NUCB2: variants seen among roughly 807,000 people sequenced by gnomAD.
The protein encoded by NUCB2 is nucleobindin 2, also known as nucleobindin-2.
Under a neutral mutation model 57.9 loss-of-function variants are expected in NUCB2, and 48 were observed. The observed-to-expected ratio is 0.83, with a 90% CI of 0.66 to 1.05. The LOEUF is 1.05. Ranked by LOEUF, NUCB2 falls within the 50% of genes least tolerant of loss-of-function variation. The pLI is 0.00. For synonymous variants in NUCB2, 139 were observed against 152.1 expected (o/e 0.91, Z 0.64); for missense variants, 442 against 476.2 (o/e 0.93, Z 0.67).
chr11:17,345,622 A>G (rs907168888), intron 2 of NUCB2, among the ~76,000 whole-genome samples: 13 of 152,110 alleles, frequency 8.5e-5, no homozygotes, highest in Admixed American at 2.0e-4. Context: ...CAGGAGAATC[A>G]CTTGAGGCCG....
chr11:17,319,918 T>G (rs1481737883), intron 11 of NUCB2, among the ~76,000 whole-genome samples: 1 of 152,192 alleles, frequency 6.6e-6, no homozygotes, highest in Non-Finnish European at 1.5e-5. Context: ...GGCCCCAGTG[T>G]GTGTTGTTCC....
chr11:17,345,897 CTT>C (rs1388312033), intron 2 of NUCB2, among the ~76,000 whole-genome samples: 4 of 151,924 alleles, frequency 2.6e-5, no homozygotes, highest in Admixed American at 1.3e-4. Context: ...AAAACAGAGA[CTT>C]TATATAATTT....
chr11:17,331,790 TACTC>T lies in NUCB2; in HGVS notation c.*372_*375del, dbSNP rs1459172057. The T allele has an allele frequency of 5.5e-6, 1 of 180,310 alleles. No homozygotes were observed. Among genetic ancestry groups the T allele is most frequent in the Admixed American group, 6.2e-5 (1 of 16,122 alleles). The allele number at this position is 180,310 out of a possible 1,614,324, so 11.2% of individuals were successfully genotyped here. On this transcript the variant is annotated 3_prime_UTR_variant, in exon 14 of 14. Transcript: ENST00000529010. ...GCTTTTAAATTAGATTGCTCTCACT[TACTC>T]GTAAACATAGGTATTCTTTTATGGG...
At chr11:17,314,689 C>A (rs1280229893) in intron 10 of NUCB2, among the ~76,000 whole-genome samples, 1 of 152,194 alleles carries the variant, frequency 6.6e-6, no homozygotes, top group African/African-American at 2.4e-5. Context: ...AAGCCAAAAA[C>A]TCTGATATAG....
Position 17,331,742 on chromosome 11 carries a change from T to G in NUCB2, c.*323T>G, listed in dbSNP as rs1591597490. On this transcript the variant is annotated 3_prime_UTR_variant, in exon 14 of 14. Transcript: ENST00000529010. ...TTTAGTGAAACTATTAGGAACTATT[T>G]AAGTGAGAAAACTCTGCCTCTTGCT... is the stretch of plus-strand genomic sequence containing the variant. 1.2e-5 allele frequency: 3 copies of G among 240,524 alleles called. No homozygotes were observed. In the Admixed American group the frequency reaches 1.7e-4, roughly 13 times the overall value. 14.9% of individuals were successfully genotyped at this position (240,524 alleles called of 1,614,324 possible).
At chr11:17,348,319 G>GTT (rs55741571) in intron 2 of NUCB2, among the ~76,000 whole-genome samples, 10 of 84,462 alleles carry the variant, frequency 1.2e-4, no homozygotes, top group East Asian at 3.5e-4. Context: ...TTGTTTTTGT[G>GTT]TTTTTTTTTT....
intron 1 of NUCB2, among the ~76,000 whole-genome samples, chr11:17,279,088 G>A (rs1035393650): frequency 6.6e-6 from 1 of 152,090 alleles, no homozygotes; most frequent in South Asian, 2.1e-4. Context: ...AACTACTCAG[G>A]AGGCTGGAGC....
chr11:17,305,031 G>A (rs1947390818), intron 5 of NUCB2, among the ~76,000 whole-genome samples: 2 of 152,170 alleles, frequency 1.3e-5, no homozygotes, highest in Non-Finnish European at 2.9e-5. Flanking sequence ...ATATGAAAAA[G>A]GACACGAGTA....
At chr11:17,293,169 G>A (rs1037237183) in intron 2 of NUCB2, among the ~76,000 whole-genome samples, 5 of 150,940 alleles carry the variant, frequency 3.3e-5, no homozygotes, top group South Asian at 2.1e-4. Context: ...CAGGAGAATC[G>A]CTTGAACCCG....
intron 5 of NUCB2, among the ~76,000 whole-genome samples, chr11:17,304,500 A>G (rs1473279153): frequency 6.6e-6 from 1 of 152,134 alleles, no homozygotes; most frequent in Non-Finnish European, 1.5e-5. Context: ...GATCTAGCCA[A>G]AACATTCATA....
At chr11:17,284,706 A>AGTTTT (rs10658598) in intron 2 of NUCB2, among the ~76,000 whole-genome samples, 70,535 of 151,560 alleles carry the variant, frequency 0.47, 17,033 homozygotes, top group East Asian at 0.8. Context: ...AAAACAACCC[A>AGTTTT]GTTTTTAAGA....
intron 2 of NUCB2, among the ~76,000 whole-genome samples, chr11:17,290,238 A>G (rs1934684531): frequency 6.6e-6 from 1 of 152,242 alleles, no homozygotes; most frequent in South Asian, 2.1e-4. Flanking sequence ...ATAACTTTTC[A>G]TTTTAATGCC....
intron 11 of NUCB2, among the ~76,000 whole-genome samples, chr11:17,317,332 A>T (rs1949387586): frequency 6.6e-6 from 1 of 152,138 alleles, no homozygotes; most frequent in South Asian, 2.1e-4. Flanking sequence ...ATGTGTACAT[A>T]TATATAAAGT....
At chr11:17,314,485 C>T (rs1565439093) in intron 10 of NUCB2, among the ~76,000 whole-genome samples, 1 of 152,062 alleles carries the variant, frequency 6.6e-6, no homozygotes, top group Non-Finnish European at 1.5e-5. Flanking sequence ...TGATGTTTAC[C>T]TCTCATCAAG....
intron 4 of NUCB2, among the ~76,000 whole-genome samples, chr11:17,297,052 GA>G (rs1268500078): frequency 1.3e-5 from 2 of 152,118 alleles, no homozygotes; most frequent in African/African-American, 4.8e-5. Flanking sequence ...GGGTTGTAAA[GA>G]TCTGACATGA....
chr11:17,331,087 T>C, intron 13 of NUCB2, 104 bp downstream of exon 13: 1 of 879,512 alleles, frequency 1.1e-6, no homozygotes, highest in Middle Eastern at 3.5e-4. Flanking sequence ...GATGTTATGT[T>C]ATTTTTTGTG....
At chr11:17,315,789 A>G (rs1159957539) in intron 11 of NUCB2, among the ~76,000 whole-genome samples, 1 of 152,182 alleles carries the variant, frequency 6.6e-6, no homozygotes, top group Non-Finnish European at 1.5e-5. Context: ...ATTCACCTAT[A>G]ATTTTACTAA....
intron 2 of NUCB2, among the ~76,000 whole-genome samples, chr11:17,294,298 C>G (rs539050238): frequency 2.6e-5 from 4 of 152,056 alleles, no homozygotes; most frequent in African/African-American, 4.8e-5. Context: ...GGCCCCCACC[C>G]CAGAGGTCTT....
At chr11:17,285,934 T>TACAC (rs140090235) in intron 2 of NUCB2, among the ~76,000 whole-genome samples, 3,864 of 143,506 alleles carry the variant, frequency 0.027, 118 homozygotes, top group East Asian at 0.17. Context: ...CACGTGTGCG[T>TACAC]ACACACACAC....
Sources: allele counts gnomAD v4.1 joint callset (sites outside exome capture counted in the v4.1 genomes callset), GRCh38; gene constraint gnomAD v4.1.1; transcripts MANE v1.5; gene names NCBI Gene and HGNC (gene_info 2026-07-23, HGNC 2026-07-21).